Variants in KAZN observed in about 807,000 individuals in gnomAD.
KAZN encodes kazrin.
Under a neutral mutation model 87.4 loss-of-function variants are expected in KAZN, and 40 were observed. The observed-to-expected ratio is 0.46, with a 90% confidence interval of 0.36 to 0.60. KAZN has a LOEUF of 0.60. Ranked by LOEUF, KAZN falls within the 20% of genes least tolerant of loss-of-function variation. KAZN has a pLI of 0.00. For missense variants in KAZN, 898 were observed against 1,073.9 expected, an observed-to-expected ratio of 0.84 and a Z score of 2.29; for synonymous variants, 466 against 458.3, an observed-to-expected ratio of 1.02 and a Z score of -0.22.
chr1:14,803,336 G>A (rs571505714), intron 1 of KAZN, among the ~76,000 whole-genome samples: 12 of 152,190 alleles, frequency 7.9e-5, no homozygotes, highest in Non-Finnish European at 1.5e-4. Context: ...CTGTCTCCAC[G>A]ATTGGTGAGT....
intron 2 of KAZN, among the ~76,000 whole-genome samples, chr1:14,495,477 C>T (rs911619137): frequency 1.1e-4 from 16 of 152,184 alleles, no homozygotes; most frequent in African/African-American, 3.9e-4. Context: ...CACCCCCAGG[C>T]AAAGAGAAGA....
chr1:14,582,851 G>A (rs573142394), intron 2 of KAZN, among the ~76,000 whole-genome samples: 2 of 152,220 alleles, frequency 1.3e-5, no homozygotes, highest in African/African-American at 4.8e-5. Context: ...TCAAAAACAC[G>A]CTCTTAAAGG....
chr1:14,555,437 C>A (rs1251662339), intron 2 of KAZN, among the ~76,000 whole-genome samples: 1 of 152,184 alleles, frequency 6.6e-6, no homozygotes, highest in Non-Finnish European at 1.5e-5. Context: ...AGTTTCTCAG[C>A]ATTTTGTTTA....
chr1:13,968,576 A>C (rs1232388180), intron 1 of KAZN, among the ~76,000 whole-genome samples: 2 of 152,162 alleles, frequency 1.3e-5, no homozygotes, highest in African/African-American at 4.8e-5. Flanking sequence ...GTCTTGAATC[A>C]CTTCCGGTTG....
chr1:14,346,324 A>C (rs895146783), intron 2 of KAZN, among the ~76,000 whole-genome samples: 1 of 152,190 alleles, frequency 6.6e-6, no homozygotes, highest in Non-Finnish European at 1.5e-5. Context: ...TACAGCATGC[A>C]GCTTTCAGGG....
chr1:14,178,479 A>G (rs904493202), intron 1 of KAZN, among the ~76,000 whole-genome samples: 2 of 152,210 alleles, frequency 1.3e-5, no homozygotes, highest in African/African-American at 4.8e-5. Flanking sequence ...ATCTCATCCA[A>G]TGAGAATTCC....
chr1:14,807,222 G>A (rs963666421), intron 1 of KAZN, among the ~76,000 whole-genome samples: 1 of 152,234 alleles, frequency 6.6e-6, no homozygotes, highest in African/African-American at 2.4e-5. Context: ...CTGTGGCAGA[G>A]GACATTAGGT....
chr1:14,719,200 T>A (rs1245956590), intron 1 of KAZN, among the ~76,000 whole-genome samples: 2 of 152,222 alleles, frequency 1.3e-5, no homozygotes, highest in African/African-American at 4.8e-5. Flanking sequence ...TGAATAAATC[T>A]TGGTCAAATT....
At chr1:14,307,734 G>A (rs925265866) in intron 2 of KAZN, among the ~76,000 whole-genome samples, 2 of 152,200 alleles carry the variant, frequency 1.3e-5, no homozygotes, top group South Asian at 2.1e-4. Context: ...AGGCAGTAAC[G>A]CGTAGTGGGT....
intron 1 of KAZN, among the ~76,000 whole-genome samples, chr1:14,957,845 A>G (rs55932559): frequency 0.086 from 13,072 of 152,226 alleles, 1,822 homozygotes; most frequent in African/African-American, 0.29. Flanking sequence ...GTCGGCACCG[A>G]GTGAGATGTG....
chr1:14,548,106 G>T (rs963159411), intron 2 of KAZN, among the ~76,000 whole-genome samples: 1 of 151,166 alleles, frequency 6.6e-6, no homozygotes, highest in Non-Finnish European at 1.5e-5. Context: ...TTACGAAATT[G>T]TATTGGGCCG....
At chr1:14,032,094 C>G (rs1641353603) in intron 1 of KAZN, among the ~76,000 whole-genome samples, 1 of 152,166 alleles carries the variant, frequency 6.6e-6, no homozygotes, top group South Asian at 2.1e-4. Context: ...GGTCTCCCCA[C>G]CAACCTCAGA....
At chr1:15,036,834 C>T (rs1196631907) in intron 3 of KAZN, among the ~76,000 whole-genome samples, 3 of 152,176 alleles carry the variant, frequency 2.0e-5, no homozygotes, top group African/African-American at 4.8e-5. Context: ...CTCAGAGCCT[C>T]GTGTGTGTCC....
chr1:14,232,294 C>T (rs547036723), intron 2 of KAZN, among the ~76,000 whole-genome samples: 3 of 152,070 alleles, frequency 2.0e-5, no homozygotes, highest in Non-Finnish European at 2.9e-5. Context: ...GTGGGGGCAG[C>T]GCAGGCAGTG....
intron 1 of KAZN, among the ~76,000 whole-genome samples, chr1:14,841,405 C>CAAAAAAAAAAAAA (rs57248871): frequency 3.4e-5 from 3 of 88,878 alleles, no homozygotes; most frequent in Admixed American, 1.3e-4. Context: ...GACTCCGTCT[C>CAAAAAAAAAAAAA]AAAAAAAAAA....
chr1:14,763,123 G>A (rs910849436), intron 1 of KAZN, among the ~76,000 whole-genome samples: 1 of 152,192 alleles, frequency 6.6e-6, no homozygotes, highest in African/African-American at 2.4e-5. Context: ...GAGGTATGGT[G>A]TGGCCAATAA....
intron 8 of KAZN, among the ~76,000 whole-genome samples, chr1:15,071,452 G>T (rs1232858342): frequency 6.6e-6 from 1 of 152,014 alleles, no homozygotes; most frequent in Non-Finnish European, 1.5e-5. Context: ...ACGGGAGTTT[G>T]CCATGTTGGC....
intron 1 of KAZN, among the ~76,000 whole-genome samples, chr1:14,783,228 G>T (rs1486966890): frequency 6.6e-6 from 1 of 152,076 alleles, no homozygotes; most frequent in Admixed American, 6.6e-5. Context: ...ACCTGTCTGG[G>T]GAGAGATCAG....
intron 2 of KAZN, among the ~76,000 whole-genome samples, chr1:14,579,451 C>T (rs1675393423): frequency 6.6e-6 from 1 of 151,768 alleles, no homozygotes; most frequent in Admixed American, 6.6e-5. Context: ...CGGTGAAACC[C>T]CATTTCTACT....
Sources: allele counts gnomAD v4.1 joint callset (sites outside exome capture counted in the v4.1 genomes callset), GRCh38; gene constraint gnomAD v4.1.1; transcripts MANE v1.5; gene names NCBI Gene and HGNC (gene_info 2026-07-23, HGNC 2026-07-21).